The following RAMP3 variants were observed in gnomAD, a reference collection of about 807,000 sequenced individuals.
RAMP3 encodes the protein receptor activity-modifying protein 3.
RAMP3 carries 14 observed loss-of-function variants against 13.5 expected under a neutral mutation model. The ratio of observed to expected loss-of-function variants is 1.04; its 90% CI spans 0.69 to 1.63. The LOEUF is 1.63. RAMP3 is among the 40% of genes most tolerant of loss of function. The probability of loss-of-function intolerance (pLI) is 0.00; values close to 1 mark genes in which losing one functional copy is unlikely to be tolerated. For missense variants in RAMP3, 200 were observed against 204.8 expected, an observed-to-expected ratio of 0.98 and a Z score of 0.14; for synonymous variants, 106 against 88.3, an observed-to-expected ratio of 1.20 and a Z score of -1.12.
intron 1 of RAMP3, among the ~76,000 whole-genome samples, chr7:45,168,333 G>T (rs932023042): frequency 2.8e-5 from 4 of 143,854 alleles, no homozygotes; most frequent in African/African-American, 1.1e-4. Flanking sequence ...TTGAACCTGG[G>T]AGGCAGAGGT....
At chr7:45,163,609 C>G (rs967281544) in intron 1 of RAMP3, 1 of 985,214 alleles carries the variant, frequency 1.0e-6, no homozygotes, top group Non-Finnish European at 1.2e-6. Context: ...AGTTGGGGCC[C>G]GATGGAAGCT....
At chr7:45,169,489 C>G (rs1584069670) in intron 1 of RAMP3, among the ~76,000 whole-genome samples, 1 of 151,612 alleles carries the variant, frequency 6.6e-6, no homozygotes, top group Non-Finnish European at 1.5e-5. Context: ...CTTCTTGAAC[C>G]AATTTCAGTA....
chr7:45,181,343 T>C (rs1786309526), intron 2 of RAMP3, among the ~76,000 whole-genome samples: 1 of 152,072 alleles, frequency 6.6e-6, no homozygotes, highest in South Asian at 2.1e-4. Context: ...GGGAGTGGGG[T>C]TTGGGAACAG....
intron 2 of RAMP3, among the ~76,000 whole-genome samples, chr7:45,182,416 C>T (rs1786334435): frequency 6.6e-6 from 1 of 152,142 alleles, no homozygotes; most frequent in African/African-American, 2.4e-5. Context: ...CTGGGAAGTC[C>T]TTTATGCTGA....
intron 1 of RAMP3, among the ~76,000 whole-genome samples, chr7:45,174,226 A>G (rs1048496780): frequency 3.3e-5 from 5 of 152,148 alleles, no homozygotes; most frequent in Admixed American, 6.5e-5. Flanking sequence ...TCTGGGCATC[A>G]GCCTCTCCAT....
chr7:45,172,912 T>G (rs1369021055), intron 1 of RAMP3, among the ~76,000 whole-genome samples: 1 of 152,172 alleles, frequency 6.6e-6, no homozygotes, highest in African/African-American at 2.4e-5. Context: ...CACAAGAAGG[T>G]CAGCCTTGCT....
chr7:45,162,031 G>A (rs535670825), intron 1 of RAMP3, among the ~76,000 whole-genome samples: 2 of 152,222 alleles, frequency 1.3e-5, no homozygotes, highest in Non-Finnish European at 2.9e-5. Flanking sequence ...GGCAGGGGCA[G>A]CTTTAGGGTG....
At chr7:45,166,926 T>C (rs1369596816) in intron 1 of RAMP3, among the ~76,000 whole-genome samples, 1 of 147,600 alleles carries the variant, frequency 6.8e-6, no homozygotes, top group African/African-American at 2.5e-5. Flanking sequence ...CTAAGAGTTT[T>C]ATAATTTAGC....
At chr7:45,164,175 C>A (rs1785916089) in intron 1 of RAMP3, among the ~76,000 whole-genome samples, 1 of 152,200 alleles carries the variant, frequency 6.6e-6, no homozygotes, top group Non-Finnish European at 1.5e-5. Flanking sequence ...CTGGACACCT[C>A]TGTTCCTCCT....
chr7:45,170,647 T>C (rs1399859874), intron 1 of RAMP3, among the ~76,000 whole-genome samples: 1 of 151,832 alleles, frequency 6.6e-6, no homozygotes, highest in East Asian at 1.9e-4. Flanking sequence ...TTATTTTATT[T>C]ATTTATTTAT....
At chr7:45,166,958 C>CTTTTTTTTTTTTTTTT (rs202162694) in intron 1 of RAMP3, among the ~76,000 whole-genome samples, 3 of 101,240 alleles carry the variant, frequency 3.0e-5, no homozygotes, top group Non-Finnish European at 5.4e-5. Context: ...GTCTTTGATG[C>CTTTTTTTTTTTTTTTT]TTTTTTTTTT....
chr7:45,159,049 GC>G (rs1317803636), intron 1 of RAMP3, among the ~76,000 whole-genome samples: 1 of 152,194 alleles, frequency 6.6e-6, no homozygotes, highest in Non-Finnish European at 1.5e-5. Context: ...AGAAGCTGAG[GC>G]TTTCCTGATC....
intron 2 of RAMP3, among the ~76,000 whole-genome samples, chr7:45,178,143 C>T (rs1385859455): frequency 3.3e-5 from 5 of 152,170 alleles, no homozygotes; most frequent in African/African-American, 4.8e-5. Flanking sequence ...GTCTTTCTTA[C>T]AGCACCAGTC....
At chr7:45,177,552 T>TCACCCACAACCCACCGTAGGC (rs2128658145) in intron 2 of RAMP3, 111 bp downstream of exon 2, 1 of 1,511,628 alleles carries the variant, frequency 6.6e-7, no homozygotes, top group African/African-American at 1.4e-5. Context: ...CACCCATGCC[T>TCACCCACAACCCACCGTAGGC]CACCCACAAC....
intron 2 of RAMP3, among the ~76,000 whole-genome samples, chr7:45,178,373 C>A (rs1041753738): frequency 1.3e-5 from 2 of 152,224 alleles, no homozygotes; most frequent in African/African-American, 2.4e-5. Flanking sequence ...TCTTGTGCCA[C>A]CCCCTGGTGG....
rs1203601542 is a variant in RAMP3, at chr7:45,161,970, G to A, written c.58+4084G>A. On this transcript the variant is annotated intron_variant, in intron 1 of 2. Transcript: ENST00000242249. ...AGGGAGTGACGCCAGACCCAGGGGT[G>A]AGGACAGGAGCTGGATGTGGAGAGC... 5.3e-5 allele frequency among the ~76,000 whole-genome samples: 8 copies of A among 152,334 alleles called. No individual in the cohort carries two copies. The South Asian group carries it at 1.4e-3, about 28-fold the overall frequency.
At chr7:45,163,855 C>A (rs977314888) in intron 1 of RAMP3, 2 of 985,424 alleles carry the variant, frequency 2.0e-6, no homozygotes, top group Non-Finnish European at 2.4e-6. Context: ...GGCCTCCATT[C>A]CTGCAGAGAT....
chr7:45,182,989 G>T (rs1331050340), intron 2 of RAMP3, among the ~76,000 whole-genome samples, 168 bp from the exon 3 acceptor site: 2 of 152,194 alleles, frequency 1.3e-5, no homozygotes, highest in Non-Finnish European at 2.9e-5. Flanking sequence ...TGGGTCATGG[G>T]CACAGATGAC....
chr7:45,168,720 A>G (rs545457028), intron 1 of RAMP3, among the ~76,000 whole-genome samples: 2 of 152,174 alleles, frequency 1.3e-5, no homozygotes, highest in African/African-American at 4.8e-5. Flanking sequence ...GTCATCTGTG[A>G]TAGAGATAGT....
Sources: gnomAD v4.1 joint callset for allele counts (sites outside exome capture counted in the v4.1 genomes callset) on GRCh38, gnomAD v4.1.1 for gene constraint, MANE v1.5 for transcripts, NCBI Gene and HGNC (gene_info 2026-07-23, HGNC 2026-07-21) for gene names.